PAK5: variants seen among roughly 807,000 people sequenced by gnomAD.
PAK5 encodes the protein p21 (RAC1) activated kinase 5, also known as serine/threonine-protein kinase PAK 5.
Under a neutral mutation model 65.9 loss-of-function variants are expected in PAK5, and 16 were observed. That is an observed-to-expected ratio of 0.24 (90% confidence interval 0.16 to 0.37). PAK5 has a LOEUF of 0.37. Among genes scored for constraint, PAK5 ranks in the 10% least tolerant of loss-of-function variants. The pLI is 1.00. For missense variants in PAK5, 785 were observed against 903.9 expected (o/e 0.87, Z 1.69); for synonymous variants, 371 against 354.9 (o/e 1.05, Z -0.51).
intron 4 of PAK5, among the ~76,000 whole-genome samples, chr20:9,578,322 C>G (rs2045922042): frequency 6.6e-6 from 1 of 152,062 alleles, no homozygotes; most frequent in South Asian, 2.1e-4. Context: ...ACCAGTTCAT[C>G]CTTTTTAAAA....
At chr20:9,769,477 G>A (rs2048809362) in intron 1 of PAK5, among the ~76,000 whole-genome samples, 1 of 152,144 alleles carries the variant, frequency 6.6e-6, no homozygotes, top group Non-Finnish European at 1.5e-5. Flanking sequence ...ATTGCCATAG[G>A]GCGATGACTT....
chr20:9,668,860 T>A (rs2047454854), intron 2 of PAK5, among the ~76,000 whole-genome samples: 1 of 152,180 alleles, frequency 6.6e-6, no homozygotes, highest in Non-Finnish European at 1.5e-5. Context: ...AATATCCACA[T>A]CTATACTGGG....
Position 9,635,748 on chromosome 20 carries a change from T to C in PAK5, c.204+8377A>G, listed in dbSNP as rs955579112. 2.0e-5 allele frequency among the ~76,000 whole-genome samples: 3 copies of C among 152,068 alleles called. No individual in the cohort carries two copies. In the South Asian group the frequency reaches 6.2e-4, roughly 32 times the overall value. On this transcript the variant is annotated intron_variant, in intron 3 of 9. Transcript: ENST00000353224. ...GATGCTTCTAGCTCAACACTATATT[T>C]TAGCAGAAGCAGGTCTAAAAGAAGG... is the stretch of plus-strand genomic sequence containing the variant.
Position 9,547,177 on chromosome 20 carries a change from G to A in PAK5, c.1744-2683C>T, listed in dbSNP as rs371181424. On this transcript the variant is annotated intron_variant, in intron 7 of 9. Coordinates refer to ENST00000353224, the MANE Select transcript of PAK5 (RefSeq NM_177990.4). ...GAGTTTACAAGCCAAGCAACACTGA[G>A]GATTGCCACAACCACCAGAAACCAG... Among the ~76,000 whole-genome samples the A allele has an allele frequency of 7.9e-5, 12 of 152,212 alleles. 1 individual carries two copies. In the East Asian group the frequency reaches 2.3e-3, roughly 29 times the overall value.
intron 3 of PAK5, among the ~76,000 whole-genome samples, chr20:9,618,946 T>TTTTA (rs2046720556): frequency 7.5e-6 from 1 of 134,148 alleles, no homozygotes; most frequent in South Asian, 2.6e-4. Context: ...TTTTTTTTTT[T>TTTTA]TTTAATCTCA....
intron 3 of PAK5, among the ~76,000 whole-genome samples, chr20:9,595,992 C>A (rs1160748666): frequency 6.6e-6 from 1 of 152,156 alleles, no homozygotes; most frequent in Non-Finnish European, 1.5e-5. Context: ...CTTCTTCCTT[C>A]CATAATTTAC....
chr20:9,806,045 A>G (rs2049227900), intron 1 of PAK5, among the ~76,000 whole-genome samples: 1 of 152,066 alleles, frequency 6.6e-6, no homozygotes, highest in Non-Finnish European at 1.5e-5. Flanking sequence ...GCCCCCTGCA[A>G]CCTCTGCCTC....
intron 3 of PAK5, among the ~76,000 whole-genome samples, chr20:9,633,215 T>C (rs944969986): frequency 2.6e-5 from 4 of 152,162 alleles, no homozygotes; most frequent in African/African-American, 9.7e-5. Flanking sequence ...AAATCTTAGC[T>C]GTCCATTAGA....
At position 9,569,774 on chromosome 20, in the gene PAK5, C is replaced by A. The variant is rs1272713275; in HGVS notation, c.991-3390G>T. Among the ~76,000 whole-genome samples the A allele has an allele frequency of 4.7e-5, 7 of 149,292 alleles. 1 individual carries two copies. The highest frequency in any genetic ancestry group is 7.7e-5 in the African/African-American group (3 of 38,724). ...TGCTACCATAGCACCATTCTCAGTCCCCCAACACTGCCCATTGGTTCTACA... is the reference window on the plus strand; with the variant it reads ...TGCTACCATAGCACCATTCTCAGTCACCCAACACTGCCCATTGGTTCTACA... On this transcript the variant is annotated intron_variant, in intron 4 of 9. Transcript: ENST00000353224.
In PAK5 at chr20:9,700,822, C is replaced by T. The variant is rs186417969; in HGVS notation, c.-12+10464G>A. 1.9e-4 allele frequency among the ~76,000 whole-genome samples: 29 copies of T among 152,280 alleles called. No individual in the cohort carries two copies. In the East Asian group the frequency reaches 2.3e-3, roughly 12 times the overall value. On this transcript the variant is annotated intron_variant, in intron 2 of 9. Transcript: ENST00000353224. ...TTTGAACTTGTCTGCAGGCTAGATTCAGCACATAGGGCGCCCCAAACATGT... is the reference window on the plus strand; with the variant it reads ...TTTGAACTTGTCTGCAGGCTAGATTTAGCACATAGGGCGCCCCAAACATGT...
chr20:9,668,959 G>A (rs1256311790), intron 2 of PAK5, among the ~76,000 whole-genome samples: 1 of 152,152 alleles, frequency 6.6e-6, no homozygotes, highest in Non-Finnish European at 1.5e-5. Context: ...ATATTCGAGA[G>A]ATCTTTTCCT....
chr20:9,791,809 T>C (rs550793594), intron 1 of PAK5, among the ~76,000 whole-genome samples: 107 of 152,242 alleles, frequency 7.0e-4, no homozygotes, highest in South Asian at 5.0e-3. Flanking sequence ...GAGGCAACAG[T>C]CCCAGGGACA....
chr20:9,625,014 C>A (rs2046823473), intron 3 of PAK5, among the ~76,000 whole-genome samples: 1 of 152,164 alleles, frequency 6.6e-6, no homozygotes, highest in Non-Finnish European at 1.5e-5. Context: ...TTTACATCTA[C>A]AAGTAGCCAT....
At chr20:9,655,158 C>G (rs2047250535) in intron 2 of PAK5, among the ~76,000 whole-genome samples, 3 of 152,272 alleles carry the variant, frequency 2.0e-5, no homozygotes, top group South Asian at 2.1e-4. Flanking sequence ...GTATTATGCT[C>G]TCTCTCCTAA....
intron 4 of PAK5, among the ~76,000 whole-genome samples, chr20:9,570,745 T>C (rs141686562): frequency 2.6e-4 from 40 of 152,312 alleles, no homozygotes; most frequent in African/African-American, 9.4e-4. Flanking sequence ...TTCAACGAAA[T>C]TGAATTCATT....
intron 1 of PAK5, among the ~76,000 whole-genome samples, chr20:9,727,539 A>G (rs970652742): frequency 6.6e-6 from 1 of 152,162 alleles, no homozygotes; most frequent in African/African-American, 2.4e-5. Flanking sequence ...GTCTGCCACA[A>G]TTGTTACTAT....
chr20:9,539,638 C>G, intron 9 of PAK5, 21 bp from the exon 10 acceptor site: 2 of 1,608,832 alleles, frequency 1.2e-6, no homozygotes, highest in Non-Finnish European at 1.7e-6. Context: ...ACACAGATAC[C>G]AATCTGAGGA....
At chr20:9,663,750 A>C (rs1346895355) in intron 2 of PAK5, among the ~76,000 whole-genome samples, 1 of 152,308 alleles carries the variant, frequency 6.6e-6, no homozygotes, top group East Asian at 1.9e-4. Context: ...TGAGAGGGTC[A>C]GTTTTAAAAT....
chr20:9,580,079 G>A (rs1381054264), intron 4 of PAK5, 66 bp downstream of exon 4: 12 of 1,349,910 alleles, frequency 8.9e-6, no homozygotes, highest in Non-Finnish European at 1.2e-5. Flanking sequence ...GTATAAAAAG[G>A]TCGTGCCAGC....
Sources: allele counts gnomAD v4.1 joint callset (sites outside exome capture counted in the v4.1 genomes callset), GRCh38; gene constraint gnomAD v4.1.1; transcripts MANE v1.5; gene names NCBI Gene and HGNC (gene_info 2026-07-23, HGNC 2026-07-21).